The following TCF7L2 variants were observed in gnomAD, a reference collection of about 807,000 sequenced individuals.
TCF7L2 encodes the protein transcription factor 7-like 2.
A neutral mutation model predicts 77.9 loss-of-function variants in TCF7L2; 23 were observed. The ratio of observed to expected loss-of-function variants is 0.30; its 90% CI spans 0.21 to 0.42. The LOEUF is 0.42. Among genes scored for constraint, TCF7L2 ranks in the 10% least tolerant of loss-of-function variants. The probability of loss-of-function intolerance (pLI) is 1.00; values close to 1 mark genes in which losing one functional copy is unlikely to be tolerated. For missense variants in TCF7L2, 654 were observed against 793.1 expected (o/e 0.82, Z 2.11); for synonymous variants, 413 against 340.2 (o/e 1.21, Z -2.36).
chr10:113,104,042 C>T (rs2061974562), intron 5 of TCF7L2, among the ~76,000 whole-genome samples: 2 of 152,146 alleles, frequency 1.3e-5, no homozygotes, highest in Admixed American at 1.3e-4. Context: ...CTCCCAGCCC[C>T]CTCCTGAGAA....
intron 4 of TCF7L2, among the ~76,000 whole-genome samples, chr10:112,991,579 GTC>G (rs2135466211): frequency 6.6e-6 from 1 of 151,562 alleles, no homozygotes; most frequent in South Asian, 2.1e-4. Flanking sequence ...CATGGGGTGA[GTC>G]TCTGCCACCG....
chr10:113,005,835 A>G (rs549199075), intron 4 of TCF7L2, among the ~76,000 whole-genome samples: 7 of 152,238 alleles, frequency 4.6e-5, no homozygotes, highest in Admixed American at 6.5e-5. Context: ...TAGCTGATGG[A>G]TCTGGTAGTT....
rs146950463 is a variant in TCF7L2 at position 113,079,503 on chromosome 10, G to A, written c.552+39377G>A. On this transcript the variant is annotated intron_variant, in intron 5 of 13. Transcript: ENST00000627217. ...GGAAAACCTGAATTTTTTCTTTATTGGCTGCACATGTTAGACATATGAAGA... is the reference window on the plus strand; with the variant it reads ...GGAAAACCTGAATTTTTTCTTTATTAGCTGCACATGTTAGACATATGAAGA... Among the ~76,000 whole-genome samples the A allele has an allele frequency of 2.7e-3, 415 of 152,174 alleles. 4 individuals carry two copies. The highest frequency in any genetic ancestry group is 4.7e-3 in the Non-Finnish European group (322 of 68,002).
Position 113,089,397 on chromosome 10 carries a change from C to T in TCF7L2, c.552+49271C>T, listed in dbSNP as rs1196628559. ...CTCTGTTCCCCTTTCTTCCTGGCAG[C>T]AGAGCCCCCTCCCTTGCTGCACTCA... is the stretch of plus-strand genomic sequence containing the variant. On this transcript the variant is annotated intron_variant, in intron 5 of 13. Coordinates refer to ENST00000627217, the MANE Select transcript of TCF7L2 (RefSeq NM_001146274.2). 6 of 1,612,438 alleles carry T rather than the reference C, an allele frequency of 3.7e-6. No individual in the cohort carries two copies. In the African/African-American group the frequency reaches 4.0e-5, roughly 11 times the overall value.
intron 4 of TCF7L2, among the ~76,000 whole-genome samples, chr10:112,969,275 A>G (rs542903899): frequency 6.9e-4 from 105 of 152,318 alleles, no homozygotes; most frequent in Non-Finnish European, 9.8e-4. Flanking sequence ...CACACTCAGC[A>G]TATGTCTGTG....
chr10:113,166,045 C>G lies in TCF7L2; in HGVS notation c.*73C>G, dbSNP rs2137660316. On this transcript the variant is annotated 3_prime_UTR_variant, in exon 14 of 14. Coordinates refer to ENST00000627217, the MANE Select transcript of TCF7L2 (RefSeq NM_001146274.2). ...TTTCTTAATTTGCCCCCCACCCCCA[C>G]CTTGAAAGGTTTTGTTTTGTACTCT... 4 of 1,383,522 alleles carry G rather than the reference C, an allele frequency of 2.9e-6. No homozygotes were observed. Among genetic ancestry groups the G allele is most frequent in the Non-Finnish European group, 2.8e-6 (3 of 1,054,128 alleles). The allele number at this position is 1,383,522 out of a possible 1,614,324, so 85.7% of individuals were successfully genotyped here.
Position 112,951,286 on chromosome 10 carries a change from C to T in TCF7L2, c.256+13C>T, listed in dbSNP as rs1260888883. 8 of 1,378,576 alleles carry T rather than the reference C, an allele frequency of 5.8e-6. No individual in the cohort carries two copies. In the African/African-American group the frequency reaches 9.1e-5, roughly 16 times the overall value. The allele number at this position is 1,378,576 out of a possible 1,614,324, so 85.4% of individuals were successfully genotyped here. On this transcript the variant is annotated intron_variant, in intron 2 of 13. Transcript: ENST00000627217. ...AGTTTGGAAGAAGGTGAGTACGCCC[C>T]GCGCGCCCCGCAGCCGCCCGGAGCC...
chr10:113,141,905 A>G (rs907758140), intron 6 of TCF7L2, among the ~76,000 whole-genome samples: 2 of 152,208 alleles, frequency 1.3e-5, no homozygotes, highest in Admixed American at 6.5e-5. Context: ...CATTTTACAG[A>G]TATGAATACT....
chr10:113,039,901 T>G, intron 4 of TCF7L2, 124 bp from the exon 5 acceptor site: 3 of 772,282 alleles, frequency 3.9e-6, no homozygotes, highest in Non-Finnish European at 4.1e-6. Context: ...TTTTTAATGA[T>G]TATTTGCATG....
intron 5 of TCF7L2, among the ~76,000 whole-genome samples, chr10:113,073,129 T>TGTGTGTGTGTGTGTGTGAGAGA (rs56927661): frequency 4.0e-5 from 5 of 123,482 alleles, no homozygotes; most frequent in Non-Finnish European, 6.7e-5. Context: ...TGTGTGTGTG[T>TGTGTGTGTGTGTGTGTGAGAGA]GAGAGAGAGA....
intron 4 of TCF7L2, among the ~76,000 whole-genome samples, chr10:113,006,573 T>A (rs1477184446): frequency 6.6e-6 from 1 of 152,218 alleles, no homozygotes; most frequent in Non-Finnish European, 1.5e-5. Context: ...ATAAGGAACT[T>A]TTCTGGCATC....
chr10:113,126,929 G>C (rs1430442293), intron 5 of TCF7L2: 2 of 985,206 alleles, frequency 2.0e-6, no homozygotes, highest in Non-Finnish European at 1.2e-6. Context: ...CGCGGTGGCC[G>C]GCCCGCTGCA....
intron 3 of TCF7L2, among the ~76,000 whole-genome samples, chr10:112,954,607 A>G (rs1035579071): frequency 2.6e-5 from 4 of 152,236 alleles, no homozygotes; most frequent in Non-Finnish European, 4.4e-5. Flanking sequence ...GTAGATGGGA[A>G]GTGTTAGAAC....
chr10:113,094,047 G>A (rs1450240466), intron 5 of TCF7L2, among the ~76,000 whole-genome samples: 2 of 152,226 alleles, frequency 1.3e-5, no homozygotes, highest in Non-Finnish European at 2.9e-5. Flanking sequence ...TTTTGCTGGT[G>A]TTGAGCCTGT....
intron 5 of TCF7L2, among the ~76,000 whole-genome samples, chr10:113,119,610 T>G (rs2064427012): frequency 6.6e-6 from 1 of 151,902 alleles, no homozygotes; most frequent in Non-Finnish European, 1.5e-5. Flanking sequence ...AATAATAAAG[T>G]TCTTGGCCAC....
intron 7 of TCF7L2, 33 bp from the exon 8 acceptor site, chr10:113,145,972 CTTGTTT>C: frequency 3.9e-5 from 53 of 1,342,338 alleles, no homozygotes; most frequent in Non-Finnish European, 5.0e-5. Flanking sequence ...CACCCCCACC[CTTGTTT>C]CAAGTCTCTT....
chr10:113,136,325 C>A (rs984415722), intron 5 of TCF7L2, among the ~76,000 whole-genome samples: 1 of 152,188 alleles, frequency 6.6e-6, no homozygotes, highest in African/African-American at 2.4e-5. Flanking sequence ...CCCATCCTAC[C>A]TTCATTTCGT....
At position 113,141,336 on chromosome 10, in the gene TCF7L2, G is replaced by C. The variant is rs562928163; in HGVS notation, c.685+20G>C. ...AAACAGGTAGGCTGTGGGCTACGGAGCCAAGGTAGAGTGCTGGTCCTGGGG... is the reference window on the plus strand; with the variant it reads ...AAACAGGTAGGCTGTGGGCTACGGACCCAAGGTAGAGTGCTGGTCCTGGGG... On this transcript the variant is annotated intron_variant, in intron 6 of 13. Transcript: ENST00000627217. 6 of 1,614,054 alleles carry C rather than the reference G, an allele frequency of 3.7e-6. No homozygotes were observed. Among genetic ancestry groups the C allele is most frequent in the Non-Finnish European group, 5.1e-6 (6 of 1,179,936 alleles).
chr10:113,133,323 CCTT>C (rs1170652840), intron 5 of TCF7L2: 1 of 152,176 alleles, frequency 6.6e-6, no homozygotes, highest in Non-Finnish European at 1.5e-5. Context: ...CATCTTAACA[CCTT>C]CTTTATTTTC....
Sources: allele counts gnomAD v4.1 joint callset (sites outside exome capture counted in the v4.1 genomes callset), GRCh38; gene constraint gnomAD v4.1.1; transcripts MANE v1.5; gene names NCBI Gene and HGNC (gene_info 2026-07-23, HGNC 2026-07-21).